The following MAP3K5 variants were observed in gnomAD, a reference collection of about 807,000 sequenced individuals.
MAP3K5 encodes mitogen-activated protein kinase kinase kinase 5, also known as ASK-1.
A neutral mutation model predicts 158.7 loss-of-function variants in MAP3K5; 56 were observed. The observed-to-expected ratio is 0.35, with a 90% CI of 0.28 to 0.44. The LOEUF (loss-of-function observed/expected upper bound fraction) is 0.44, where lower values mean the gene tolerates loss of function less well. MAP3K5 is among the 20% of genes least tolerant of loss of function. The pLI is 1.00. For missense variants in MAP3K5, 1,294 were observed against 1,674.8 expected (o/e 0.77, Z 3.97); for synonymous variants, 579 against 601.7 (o/e 0.96, Z 0.55).
At chr6:136,766,495 T>G (rs1783974392) in intron 1 of MAP3K5, among the ~76,000 whole-genome samples, 2 of 152,200 alleles carry the variant, frequency 1.3e-5, no homozygotes, top group African/African-American at 4.8e-5. Context: ...CGTCTTCCCT[T>G]CATTACCAGA....
chr6:136,694,799 A>G (rs1262553877), intron 6 of MAP3K5, among the ~76,000 whole-genome samples: 1 of 152,236 alleles, frequency 6.6e-6, no homozygotes, highest in Admixed American at 6.5e-5. Flanking sequence ...ACGTGTGACT[A>G]ACTGATTATC....
intron 15 of MAP3K5, among the ~76,000 whole-genome samples, chr6:136,619,962 C>T (rs1288784108): frequency 2.0e-5 from 3 of 152,168 alleles, no homozygotes; most frequent in Non-Finnish European, 4.4e-5. Context: ...AGGGAGAGTA[C>T]ATTTGGGAAT....
At position 136,580,402 on chromosome 6, in the gene MAP3K5, T is replaced by C. The variant is rs772323131; in HGVS notation, c.3416A>G (p.Asn1139Ser). 1.4e-5 allele frequency: 23 copies of C among 1,606,090 alleles called. No individual in the cohort carries two copies. The highest frequency in any genetic ancestry group is 1.7e-4 in the Middle Eastern group (1 of 6,046). ...GATGTTATGATTCCGAAGAACTTTA[T>C]TGACCTGGAGAGAGAGTGACATTTA... ...VVLFGFQDAV[N>S]KVLRNHNIKP... is the part of the protein sequence containing the mutation. Residue 1139 changes from asparagine (N) to serine (S), a missense_variant, in exon 25 of 30, where the codon AAT (asparagine) becomes AGT (serine). Transcript: ENST00000359015.
At chr6:136,643,185 G>A (rs1007808248) in intron 11 of MAP3K5, among the ~76,000 whole-genome samples, 14 of 152,258 alleles carry the variant, frequency 9.2e-5, no homozygotes, top group Admixed American at 7.2e-4. Flanking sequence ...CTATAAACAT[G>A]GGTGATTTGC....
At chr6:136,621,720 T>C (rs1315946655) in intron 15 of MAP3K5, among the ~76,000 whole-genome samples, 2 of 152,194 alleles carry the variant, frequency 1.3e-5, no homozygotes, top group African/African-American at 4.8e-5. Flanking sequence ...TCCCCTAGTT[T>C]GGTTAGGCTC....
rs548246870 is a variant in MAP3K5, at chr6:136,640,153, C to T, written c.1839-515G>A. Among the ~76,000 whole-genome samples the T allele has an allele frequency of 2.5e-4, 38 of 152,310 alleles. No homozygotes were observed. In the South Asian group the frequency reaches 6.6e-3, roughly 27 times the overall value. Reference sequence around the variant, plus strand: ...AGGACTCAGTGAGTGGCTGACTTTACGGCAATATGAAACAGTTTTCAGTTG... The same window carrying T: ...AGGACTCAGTGAGTGGCTGACTTTATGGCAATATGAAACAGTTTTCAGTTG... On this transcript the variant is annotated intron_variant, in intron 12 of 29. Transcript: ENST00000359015.
chr6:136,567,969 A>G (rs937964729), intron 25 of MAP3K5, 95 bp from the exon 26 acceptor site: 64 of 1,299,538 alleles, frequency 4.9e-5, no homozygotes, highest in Non-Finnish European at 6.4e-5. Context: ...CCCACCGTCA[A>G]TAAGATATAT....
Position 136,613,135 on chromosome 6 carries a change from A to G in MAP3K5, c.2400T>C (p.Val800=). The part of the protein sequence containing the change: ...GLKYLHDNQI[V]HRDIKGDNVL... ...TGTACCTCACCTTTATGTCCCGGTG[A>G]ACTATCTGATTGTCATGGAGATATT... The change falls in exon 17 of 30, where the codon GTT becomes GTC. Residue 800 remains valine, a synonymous_variant. Transcript: ENST00000359015. The surrounding 1 kb of genome is among the most constrained non-coding windows in gnomAD (Gnocchi z 4.0). The G allele has an allele frequency of 6.2e-7, 1 of 1,609,902 alleles. No individual in the cohort carries two copies. Among genetic ancestry groups the G allele is most frequent in the Non-Finnish European group, 8.5e-7 (1 of 1,178,462 alleles).
chr6:136,603,176 CTT>C (rs397962146), intron 19 of MAP3K5, among the ~76,000 whole-genome samples: 16 of 139,352 alleles, frequency 1.1e-4, no homozygotes, highest in Admixed American at 2.2e-4. Flanking sequence ...TATACAGGTA[CTT>C]TTTTTTTTTT....
chr6:136,664,510 A>G lies in MAP3K5; in HGVS notation c.1366+4773T>C, dbSNP rs558805809. On this transcript the variant is annotated intron_variant, in intron 8 of 29. Coordinates refer to ENST00000359015, the MANE Select transcript of MAP3K5 (RefSeq NM_005923.4). Reference sequence around the variant, plus strand: ...GTCCCTATTGCTAAAAAGGTTGGGGACTGCTGCTCTAGTGTGCTCACCTTC... The same window carrying G: ...GTCCCTATTGCTAAAAAGGTTGGGGGCTGCTGCTCTAGTGTGCTCACCTTC... 5.3e-5 allele frequency among the ~76,000 whole-genome samples: 8 copies of G among 152,210 alleles called. No homozygotes were observed. In the South Asian group the frequency reaches 1.5e-3, roughly 28 times the overall value.
chr6:136,662,431 A>T (rs1000851968), intron 8 of MAP3K5, among the ~76,000 whole-genome samples: 4 of 152,222 alleles, frequency 2.6e-5, no homozygotes, highest in Non-Finnish European at 5.9e-5. Context: ...CTACATGAAG[A>T]CATTAATCTT....
chr6:136,560,756 T>C lies in MAP3K5; in HGVS notation c.3987+777A>G, dbSNP rs990600026. Among the ~76,000 whole-genome samples, 36 of 151,856 alleles carry C rather than the reference T, an allele frequency of 2.4e-4. 1 individual carries two copies. Among genetic ancestry groups the C allele is most frequent in the Admixed American group, 2.2e-3 (34 of 15,256 alleles). ...TGGGGCCAGGAGTTTAAGACCAGCCTGGGCAACATAGCGAGACCCTATCTC... is the reference window on the plus strand; with the variant it reads ...TGGGGCCAGGAGTTTAAGACCAGCCCGGGCAACATAGCGAGACCCTATCTC... On this transcript the variant is annotated intron_variant, in intron 28 of 29. Transcript: ENST00000359015.
rs555687879 is a variant in MAP3K5, at chr6:136,670,186, GA to G, written c.1254-792del. Among the ~76,000 whole-genome samples the G allele has an allele frequency of 2.0e-5, 3 of 152,042 alleles. No individual in the cohort carries two copies. In the East Asian group the frequency reaches 5.8e-4, roughly 29 times the overall value. ...TGCATAAAACCGAGTATCAACCTTTGAAAATACTTCAATATTTAAAAGGACT... is the reference window on the plus strand; with the variant it reads ...TGCATAAAACCGAGTATCAACCTTTGAAATACTTCAATATTTAAAAGGACT... On this transcript the variant is annotated intron_variant, in intron 7 of 29. Transcript: ENST00000359015.
chr6:136,573,090 C>G (rs140654992), intron 25 of MAP3K5, among the ~76,000 whole-genome samples: 523 of 152,248 alleles, frequency 3.4e-3, no homozygotes, highest in African/African-American at 0.012. Flanking sequence ...TTGGATGTGT[C>G]TGTGAGGGGT....
intron 12 of MAP3K5, among the ~76,000 whole-genome samples, chr6:136,642,051 A>AAAAT (rs1562571595): frequency 7.5e-6 from 1 of 132,916 alleles, no homozygotes; most frequent in Admixed American, 7.8e-5. Flanking sequence ...AAAATAAAAT[A>AAAAT]AAATAAAATA....
intron 1 of MAP3K5, among the ~76,000 whole-genome samples, chr6:136,750,984 T>C (rs181916856): frequency 9.2e-5 from 14 of 152,318 alleles, no homozygotes; most frequent in Admixed American, 8.5e-4. Context: ...TTCCTCTCTT[T>C]TGGGACCCTT....
At chr6:136,660,139 C>CT (rs1256553209) in intron 8 of MAP3K5, among the ~76,000 whole-genome samples, 1 of 151,948 alleles carries the variant, frequency 6.6e-6, no homozygotes, top group Admixed American at 6.6e-5. Context: ...AAAATCTTAC[C>CT]TTTTTTACGC....
chr6:136,724,397 A>G (rs1781871990), intron 1 of MAP3K5, among the ~76,000 whole-genome samples: 1 of 151,900 alleles, frequency 6.6e-6, no homozygotes, highest in African/African-American at 2.4e-5. Context: ...TACAGGGTGC[A>G]CCACCACATC....
chr6:136,594,805 TG>T (rs1775551406), intron 21 of MAP3K5, among the ~76,000 whole-genome samples: 1 of 141,286 alleles, frequency 7.1e-6, no homozygotes, highest in East Asian at 2.9e-4. Flanking sequence ...TCCGTGTTTG[TG>T]TGTGTGTGTG....
Sources: gnomAD v4.1 joint callset for allele counts (sites outside exome capture counted in the v4.1 genomes callset) on GRCh38, gnomAD v4.1.1 for gene constraint, Gnocchi (gnomAD v3.1) non-coding constraint, MANE v1.5 for transcripts, NCBI Gene and HGNC (gene_info 2026-07-23, HGNC 2026-07-21) for gene names.